The following PPP1R16B variants were observed in gnomAD, a reference collection of about 807,000 sequenced individuals.
PPP1R16B encodes protein phosphatase 1 regulatory inhibitor subunit 16B.
A neutral mutation model predicts 61.7 loss-of-function variants in PPP1R16B; 14 were observed. That is an observed-to-expected ratio of 0.23 (90% confidence interval 0.15 to 0.35). The LOEUF (loss-of-function observed/expected upper bound fraction) is 0.35, where lower values mean the gene tolerates loss of function less well. Among genes scored for constraint, PPP1R16B ranks in the 10% least tolerant of loss-of-function variants. The pLI is 1.00. For synonymous variants in PPP1R16B, 266 were observed against 305.3 expected (o/e 0.87, Z 1.34); for missense variants, 547 against 752.5 (o/e 0.73, Z 3.19).
Position 38,895,664 on chromosome 20 carries a change from G to T in PPP1R16B, c.421G>T (p.Ala141Ser). 6.2e-7 allele frequency: 1 copy of T among 1,614,138 alleles called. No homozygotes were observed. Among genetic ancestry groups the T allele is most frequent in the Non-Finnish European group, 8.5e-7 (1 of 1,180,026 alleles). The stretch of plus-strand genomic sequence containing the variant: ...CGAGCTGTGGACACCTCTCCATGCT[G>T]CAGCCACCTGCGGCCACATCAACCT... The part of the protein sequence containing the change: ...DNELWTPLHA[A>S]ATCGHINLVK... Residue 141 changes from alanine (A) to serine (S), a missense_variant, in exon 4 of 11, where the codon GCA becomes TCA. Physicochemically the swap from Ala to Ser is moderately conservative, Grantham distance 99. Coordinates refer to ENST00000299824, the MANE Select transcript of PPP1R16B (RefSeq NM_015568.4).
At chr20:38,884,854 G>A (rs1316885303) in intron 2 of PPP1R16B, among the ~76,000 whole-genome samples, 2 of 151,838 alleles carry the variant, frequency 1.3e-5, no homozygotes, top group African/African-American at 2.4e-5. Flanking sequence ...GGCAGATCAC[G>A]AGGTCAGGAG....
At chr20:38,896,404 A>ATCTCTC (rs142384788) in intron 4 of PPP1R16B, among the ~76,000 whole-genome samples, 1 of 141,176 alleles carries the variant, frequency 7.1e-6, no homozygotes, top group African/African-American at 2.6e-5. Context: ...TCCTCTCTTC[A>ATCTCTC]TCTCTCTCTC....
chr20:38,905,311 T>G (rs2085431112), intron 6 of PPP1R16B, among the ~76,000 whole-genome samples: 1 of 152,152 alleles, frequency 6.6e-6, no homozygotes, highest in South Asian at 2.1e-4. Flanking sequence ...TGACTGGTAC[T>G]GGAAGATCCA....
chr20:38,873,612 G>A (rs747892124), intron 2 of PPP1R16B, among the ~76,000 whole-genome samples: 2 of 152,154 alleles, frequency 1.3e-5, no homozygotes, highest in African/African-American at 2.4e-5. Flanking sequence ...GCGCTCACAC[G>A]CTGTTGGCAG....
chr20:38,895,289 C>T (rs532102094), intron 3 of PPP1R16B, among the ~76,000 whole-genome samples: 6 of 150,910 alleles, frequency 4.0e-5, no homozygotes, highest in South Asian at 2.1e-4. Context: ...ACTTGCAAAG[C>T]ACTTTATAGC....
intron 3 of PPP1R16B, among the ~76,000 whole-genome samples, chr20:38,893,193 G>A (rs117900142): frequency 6.6e-6 from 1 of 152,314 alleles, no homozygotes; most frequent in East Asian, 1.9e-4. Flanking sequence ...TCCTCAGAAA[G>A]CATTAGACAT....
intron 4 of PPP1R16B, among the ~76,000 whole-genome samples, chr20:38,897,360 T>C (rs2085357924): frequency 6.6e-6 from 1 of 152,222 alleles, no homozygotes; most frequent in African/African-American, 2.4e-5. Context: ...ACAGTATTTG[T>C]CTTTTTTTGA....
chr20:38,831,932 G>A lies in PPP1R16B; in HGVS notation c.-101-3893G>A, dbSNP rs112899273. Among the ~76,000 whole-genome samples, 490 of 152,292 alleles carry A rather than the reference G, an allele frequency of 3.2e-3. 2 individuals are homozygous for A. Among genetic ancestry groups the A allele is most frequent in the Non-Finnish European group, 5.5e-3 (372 of 68,030 alleles). ...TGGGCTGGGCAGCCACGTCCTCTTC[G>A]GGCCATGCTTGTGCATGTTGGTTTC... On this transcript the variant is annotated intron_variant, in intron 1 of 10. Transcript: ENST00000299824.
intron 2 of PPP1R16B, among the ~76,000 whole-genome samples, chr20:38,888,399 C>A (rs2085262823): frequency 6.6e-6 from 1 of 152,260 alleles, no homozygotes; most frequent in African/African-American, 2.4e-5. Context: ...CCTCTGTTCA[C>A]CACTCTGGCC....
intron 1 of PPP1R16B, among the ~76,000 whole-genome samples, chr20:38,808,282 C>T (rs2084675170): frequency 6.6e-6 from 1 of 152,198 alleles, no homozygotes; most frequent in Non-Finnish European, 1.5e-5. Context: ...CTGCAGCCAA[C>T]CTGGTTTAGG....
At chr20:38,870,073 A>G (rs1375848875) in intron 2 of PPP1R16B, among the ~76,000 whole-genome samples, 1 of 151,930 alleles carries the variant, frequency 6.6e-6, no homozygotes, top group Non-Finnish European at 1.5e-5. Flanking sequence ...ACAGGTGCCC[A>G]CCAACATGCC....
At chr20:38,911,176 T>TC (rs1166545548) in intron 10 of PPP1R16B, among the ~76,000 whole-genome samples, 1 of 149,186 alleles carries the variant, frequency 6.7e-6, no homozygotes, top group Non-Finnish European at 1.5e-5. Context: ...TTTTTCTTTT[T>TC]TTTTTTTTGA....
rs185927927 is a variant in PPP1R16B, at chr20:38,869,193, G to A, written c.251-20402G>A. Among the ~76,000 whole-genome samples, 32 of 151,186 alleles carry A rather than the reference G, an allele frequency of 2.1e-4. No individual in the cohort carries two copies. In the East Asian group the frequency reaches 3.5e-3, roughly 17 times the overall value. ...TATTTATTTTTGAGACAGTCTTGACGTGTCACCCAGGCTGAATGCGGGTGG... is the reference window on the plus strand; with the variant it reads ...TATTTATTTTTGAGACAGTCTTGACATGTCACCCAGGCTGAATGCGGGTGG... On this transcript the variant is annotated intron_variant, in intron 2 of 10. Coordinates refer to ENST00000299824, the MANE Select transcript of PPP1R16B (RefSeq NM_015568.4).
intron 1 of PPP1R16B, among the ~76,000 whole-genome samples, chr20:38,812,121 A>C (rs1021200778): frequency 3.3e-5 from 5 of 152,258 alleles, no homozygotes; most frequent in African/African-American, 9.6e-5. Context: ...ACAGCCAATT[A>C]GTAACTCAGG....
chr20:38,906,290 T>TG (rs1402465134), intron 7 of PPP1R16B, among the ~76,000 whole-genome samples, 196 bp downstream of exon 7: 10 of 120,156 alleles, frequency 8.3e-5, no homozygotes, highest in Non-Finnish European at 1.5e-4. Flanking sequence ...TGTGTTTTTT[T>TG]TTTTTTTTTT....
intron 2 of PPP1R16B, among the ~76,000 whole-genome samples, chr20:38,837,693 T>C (rs2084881804): frequency 6.6e-6 from 1 of 151,914 alleles, no homozygotes; most frequent in Admixed American, 6.6e-5. Flanking sequence ...TTACAGGCGT[T>C]CACCTCCATG....
chr20:38,902,823 A>T (rs758197779), intron 6 of PPP1R16B, 31 bp downstream of exon 6: 2 of 1,613,472 alleles, frequency 1.2e-6, no homozygotes, highest in African/African-American at 2.7e-5. Flanking sequence ...CAAAACCAAG[A>T]CCAGCTAGGT....
At chr20:38,822,844 G>A (rs1324214446) in intron 1 of PPP1R16B, among the ~76,000 whole-genome samples, 2 of 152,170 alleles carry the variant, frequency 1.3e-5, no homozygotes, top group African/African-American at 2.4e-5. Context: ...AAGGATGGGT[G>A]TGGTAGTAGA....
In PPP1R16B at chr20:38,892,143, GCAC is replaced by G. The variant is rs770231551; in HGVS notation, c.321+2482_321+2484del. Among the ~76,000 whole-genome samples, 17 of 152,270 alleles carry G rather than the reference GCAC, an allele frequency of 1.1e-4. No homozygotes were observed. In the East Asian group the frequency reaches 1.9e-3, roughly 17 times the overall value. On this transcript the variant is annotated intron_variant, in intron 3 of 10. Coordinates refer to ENST00000299824, the MANE Select transcript of PPP1R16B (RefSeq NM_015568.4). ...CAAGGCAGTCTTAACTGCTCTGTGG[GCAC>G]CACAGCTGCAATTCTCTGAGCCCCA...
Sources: gnomAD v4.1 joint callset for allele counts (sites outside exome capture counted in the v4.1 genomes callset) on GRCh38, gnomAD v4.1.1 for gene constraint, MANE v1.5 for transcripts, NCBI Gene and HGNC (gene_info 2026-07-23, HGNC 2026-07-21) for gene names.